The following COL11A1 variants were observed in gnomAD, a reference collection of about 807,000 sequenced individuals.
COL11A1 encodes collagen type XI alpha 1 chain.
A neutral mutation model predicts 265.2 loss-of-function variants in COL11A1; 74 were observed. The ratio of observed to expected loss-of-function variants is 0.28; its 90% CI spans 0.23 to 0.34. COL11A1 has a LOEUF of 0.34. Among genes scored for constraint, COL11A1 ranks in the 10% least tolerant of loss-of-function variants. The pLI, the probability that COL11A1 is intolerant of heterozygous loss-of-function variation, is 1.00. For synonymous variants in COL11A1, 816 were observed against 727.6 expected (o/e 1.12, Z -1.96); for missense variants, 2,165 against 2,263.6 (o/e 0.96, Z 0.88).
At chr1:102,962,045 T>C (rs1660960428) in intron 40 of COL11A1, 126 bp from the exon 41 acceptor site, 9 of 1,028,116 alleles carry the variant, frequency 8.8e-6, no homozygotes, top group Non-Finnish European at 8.9e-6. Flanking sequence ...TATATACACA[T>C]ATATGTAATG....
At chr1:102,882,448 T>A (rs973156371) in intron 64 of COL11A1, among the ~76,000 whole-genome samples, 7 of 152,166 alleles carry the variant, frequency 4.6e-5, no homozygotes, top group African/African-American at 1.7e-4. Flanking sequence ...AGATGGAAGT[T>A]GTTTTTTCTC....
chr1:103,025,471 T>C (rs1366886186), intron 7 of COL11A1, 50 bp downstream of exon 7: 1 of 1,232,212 alleles, frequency 8.1e-7, no homozygotes. Context: ...CAAAATAAAT[T>C]ACATATTTAA....
chr1:102,991,168 G>A (rs1055022634), intron 28 of COL11A1, among the ~76,000 whole-genome samples: 1 of 152,186 alleles, frequency 6.6e-6, no homozygotes, highest in African/African-American at 2.4e-5. Context: ...TGGTGCTTGT[G>A]GAGGAGGTGG....
chr1:102,967,241 T>TTTTA (rs1334151798), intron 37 of COL11A1, among the ~76,000 whole-genome samples: 7 of 105,480 alleles, frequency 6.6e-5, no homozygotes, highest in South Asian at 4.3e-4. Context: ...TTTTTTTTTT[T>TTTTA]TTTTTTTTTT....
At position 102,930,597 on chromosome 1, in the gene COL11A1, C is replaced by T. The variant is rs556469418; in HGVS notation, c.3600+3852G>A. Among the ~76,000 whole-genome samples, 9 of 152,278 alleles carry T rather than the reference C, an allele frequency of 5.9e-5. No individual in the cohort carries two copies. In the East Asian group the frequency reaches 1.5e-3, roughly 26 times the overall value. ...GCCCGGCTTTAGTATCAGAATGATG[C>T]TGGCCTCATAAAATGAATTAGGGAG... On this transcript the variant is annotated intron_variant, in intron 46 of 66. Transcript: ENST00000370096.
At chr1:102,886,233 T>C (rs1159744247) in intron 63 of COL11A1, among the ~76,000 whole-genome samples, 1 of 152,174 alleles carries the variant, frequency 6.6e-6, no homozygotes, top group Non-Finnish European at 1.5e-5. Flanking sequence ...AAAGAGTTGG[T>C]ATGATGAATT....
At chr1:103,027,022 T>C (rs938780288) in intron 5 of COL11A1, among the ~76,000 whole-genome samples, 4 of 151,888 alleles carry the variant, frequency 2.6e-5, no homozygotes, top group African/African-American at 7.2e-5. Context: ...TTATAATTAA[T>C]ACATAATTTT....
intron 57 of COL11A1, 76 bp downstream of exon 57, chr1:102,898,049 G>A (rs980580620): frequency 1.1e-6 from 1 of 893,114 alleles, no homozygotes; most frequent in African/African-American, 1.7e-5. Context: ...AAACTAAAAT[G>A]TCAAAAATTC....
At chr1:102,894,448 C>A (rs1211110716) in intron 57 of COL11A1, among the ~76,000 whole-genome samples, 1 of 152,044 alleles carries the variant, frequency 6.6e-6, no homozygotes, top group Non-Finnish European at 1.5e-5. Flanking sequence ...GCGGGAGGAT[C>A]ACCTAAGCCT....
At chr1:103,021,909 T>G in intron 8 of COL11A1, 140 bp from the exon 9 acceptor site, 1 of 675,986 alleles carries the variant, frequency 1.5e-6, no homozygotes, top group South Asian at 1.8e-5. Flanking sequence ...GTGCAGTGGC[T>G]CGATCTCCGC....
At chr1:103,006,653 T>C (rs1665653229) in intron 15 of COL11A1, among the ~76,000 whole-genome samples, 1 of 146,634 alleles carries the variant, frequency 6.8e-6, no homozygotes, top group South Asian at 2.3e-4. Context: ...TTCTCCTGCC[T>C]CAGCCTCCCA....
intron 37 of COL11A1, among the ~76,000 whole-genome samples, chr1:102,967,756 A>T (rs1044737483): frequency 6.6e-5 from 10 of 152,206 alleles, no homozygotes; most frequent in African/African-American, 2.4e-4. Flanking sequence ...TAAATTCAAC[A>T]GGAAGATATA....
Position 103,074,647 on chromosome 1 carries a change from T to C in COL11A1, c.622A>G (p.Thr208Ala). 1 of 1,613,268 alleles carries C rather than the reference T, an allele frequency of 6.2e-7. No individual in the cohort carries two copies. Among genetic ancestry groups the C allele is most frequent in the Non-Finnish European group, 8.5e-7 (1 of 1,179,528 alleles). Residue 208 changes from threonine to alanine, a missense_variant, in exon 4 of 67, where the codon ACA (threonine) becomes GCA (alanine). Thr to Ala is a moderately conservative substitution (Grantham distance 58). Transcript: ENST00000370096. Reference sequence around the variant, plus strand: ...AAAACTTCTTCATCCAAAATCCTTGTTCCAAAAACCGTGATTCCATTGGTA... The same window carrying C: ...AAAACTTCTTCATCCAAAATCCTTGCTCCAAAAACCGTGATTCCATTGGTA... ...VDTNGITVFGTRILDEEVFEG... is the reference protein window; with the variant it reads ...VDTNGITVFGARILDEEVFEG...
At chr1:103,094,557 C>T (rs1021867079) in intron 1 of COL11A1, among the ~76,000 whole-genome samples, 2 of 152,054 alleles carry the variant, frequency 1.3e-5, no homozygotes, top group African/African-American at 4.8e-5. Context: ...ACTTCTTCTG[C>T]CTCTGCCATC....
intron 18 of COL11A1, among the ~76,000 whole-genome samples, chr1:103,004,893 C>T: frequency 1.3e-5 from 2 of 151,548 alleles, no homozygotes; most frequent in East Asian, 3.9e-4. Flanking sequence ...TCTCAATTTT[C>T]AATACAAAAG....
chr1:102,957,298 G>T (rs1660473955), intron 41 of COL11A1, among the ~76,000 whole-genome samples: 1 of 152,054 alleles, frequency 6.6e-6, no homozygotes, highest in African/African-American at 2.4e-5. Context: ...GCAGATTAGA[G>T]TCATATAGTA....
intron 46 of COL11A1, among the ~76,000 whole-genome samples, chr1:102,927,511 T>C (rs896057676): frequency 1.3e-5 from 2 of 152,136 alleles, no homozygotes; most frequent in East Asian, 1.9e-4. Context: ...GGTCAGGAGA[T>C]CGAGACCATC....
intron 42 of COL11A1, among the ~76,000 whole-genome samples, chr1:102,940,992 C>T (rs146777353): frequency 1.1e-4 from 17 of 151,910 alleles, no homozygotes; most frequent in South Asian, 2.1e-4. Flanking sequence ...CTTCTGTTTC[C>T]GATAAAATAT....
intron 4 of COL11A1, among the ~76,000 whole-genome samples, chr1:103,050,644 G>C (rs1256804257): frequency 6.6e-6 from 1 of 152,158 alleles, no homozygotes; most frequent in Non-Finnish European, 1.5e-5. Context: ...TTGCTGGTGA[G>C]GAGCTGTGTT....
Sources: allele counts gnomAD v4.1 joint callset (sites outside exome capture counted in the v4.1 genomes callset), GRCh38; gene constraint gnomAD v4.1.1; transcripts MANE v1.5; gene names NCBI Gene and HGNC (gene_info 2026-07-23, HGNC 2026-07-21).